CDH13: variants seen among roughly 807,000 people sequenced by gnomAD.
CDH13 encodes cadherin-13.
A neutral mutation model predicts 63.8 loss-of-function variants in CDH13; 24 were observed. That is an observed-to-expected ratio of 0.38 (90% CI 0.27 to 0.53). The LOEUF is 0.53. Ranked by LOEUF, CDH13 falls within the 20% of genes least tolerant of loss-of-function variation. CDH13 has a pLI of 0.85. For synonymous variants in CDH13, 503 were observed against 355.3 expected (o/e 1.42, Z -4.67); for missense variants, 1,049 against 903.1 (o/e 1.16, Z -2.07).
intron 6 of CDH13, among the ~76,000 whole-genome samples, chr16:83,377,654 G>T (rs986409261): frequency 6.6e-6 from 1 of 152,204 alleles, no homozygotes; most frequent in African/African-American, 2.4e-5. Context: ...GAGACACTTT[G>T]CAAGGCTCCA....
At chr16:83,006,106 G>A (rs1597394016) in intron 2 of CDH13, among the ~76,000 whole-genome samples, 1 of 152,124 alleles carries the variant, frequency 6.6e-6, no homozygotes, top group East Asian at 1.9e-4. Context: ...CACAATACTG[G>A]CGTCAGCTCT....
At chr16:83,453,013 G>A (rs2072924835) in intron 6 of CDH13, among the ~76,000 whole-genome samples, 1 of 152,138 alleles carries the variant, frequency 6.6e-6, no homozygotes, top group African/African-American at 2.4e-5. Flanking sequence ...TAATTTTTGA[G>A]CCTATATGAT....
chr16:82,757,614 A>ATTATGTCAACATTTAATTGC (rs1555511727), intron 1 of CDH13, among the ~76,000 whole-genome samples: 21 of 151,300 alleles, frequency 1.4e-4, no homozygotes, highest in Middle Eastern at 3.5e-3. Flanking sequence ...TTGCAAATGC[A>ATTATGTCAACATTTAATTGC]AGCTTTGGTA....
intron 2 of CDH13, among the ~76,000 whole-genome samples, chr16:82,963,182 C>A (rs1389964266): frequency 6.7e-6 from 1 of 149,172 alleles, no homozygotes; most frequent in African/African-American, 2.5e-5. Context: ...ACCAGCCTGG[C>A]CAACATGGTG....
chr16:82,811,187 T>A (rs2037426049), intron 1 of CDH13, among the ~76,000 whole-genome samples: 2 of 152,198 alleles, frequency 1.3e-5, no homozygotes, highest in African/African-American at 4.8e-5. Context: ...ATTACGCGAA[T>A]TTCTTTCCAA....
At chr16:82,645,150 C>G (rs184545424) in intron 1 of CDH13, among the ~76,000 whole-genome samples, 2 of 152,152 alleles carry the variant, frequency 1.3e-5, no homozygotes, top group Admixed American at 6.5e-5. Context: ...GATGCCATAT[C>G]TCAGAGTACG....
chr16:83,239,964 T>A (rs1159531869), intron 5 of CDH13, among the ~76,000 whole-genome samples: 1 of 152,070 alleles, frequency 6.6e-6, no homozygotes, highest in Non-Finnish European at 1.5e-5. Context: ...AGAGATCTGA[T>A]GAAAGAGAAG....
At chr16:83,276,609 G>C (rs1046109364) in intron 5 of CDH13, among the ~76,000 whole-genome samples, 5 of 152,140 alleles carry the variant, frequency 3.3e-5, no homozygotes, top group Non-Finnish European at 7.4e-5. Context: ...GGTGGCTCGC[G>C]CCTGTAATCC....
At chr16:82,737,131 C>A (rs530886100) in intron 1 of CDH13, among the ~76,000 whole-genome samples, 3 of 152,226 alleles carry the variant, frequency 2.0e-5, no homozygotes, top group Admixed American at 1.3e-4. Context: ...GCCTTGAACC[C>A]TCTAGAACAA....
intron 4 of CDH13, among the ~76,000 whole-genome samples, chr16:83,182,293 C>G (rs111444195): frequency 0.012 from 1,871 of 152,306 alleles, 28 homozygotes; most frequent in African/African-American, 0.042. Context: ...TCTGATGGCT[C>G]TGGTCTCCAG....
chr16:82,768,543 C>T (rs1221890169), intron 1 of CDH13, among the ~76,000 whole-genome samples: 1 of 152,192 alleles, frequency 6.6e-6, no homozygotes, highest in Non-Finnish European at 1.5e-5. Context: ...GTATAAGGTG[C>T]TTTTTATATC....
chr16:83,272,236 C>G (rs544108378), intron 5 of CDH13, among the ~76,000 whole-genome samples: 1 of 152,262 alleles, frequency 6.6e-6, no homozygotes, highest in Admixed American at 6.5e-5. Flanking sequence ...AAAAATTGTG[C>G]AAGTGCATGA....
chr16:83,158,466 C>G (rs2037309198), intron 4 of CDH13, among the ~76,000 whole-genome samples: 1 of 152,238 alleles, frequency 6.6e-6, no homozygotes, highest in Non-Finnish European at 1.5e-5. Flanking sequence ...AGCCCAGGCT[C>G]ACGTGTACTT....
At chr16:82,901,356 G>T (rs2041463280) in intron 2 of CDH13, among the ~76,000 whole-genome samples, 1 of 150,124 alleles carries the variant, frequency 6.7e-6, no homozygotes, top group Non-Finnish European at 1.5e-5. Context: ...GTGTGTGTGT[G>T]TGTGTGTGTG....
At chr16:83,281,608 T>C (rs2089177577) in intron 5 of CDH13, among the ~76,000 whole-genome samples, 1 of 152,160 alleles carries the variant, frequency 6.6e-6, no homozygotes, top group African/African-American at 2.4e-5. Context: ...CATGTCTTCG[T>C]CATTAAGCTT....
intron 2 of CDH13, among the ~76,000 whole-genome samples, chr16:82,943,935 G>A (rs1904408370): frequency 6.6e-6 from 1 of 152,202 alleles, no homozygotes; most frequent in African/African-American, 2.4e-5. Flanking sequence ...AACCTGTTGA[G>A]AAAGAGGGCC....
intron 6 of CDH13, among the ~76,000 whole-genome samples, chr16:83,476,803 G>A (rs1275196186): frequency 6.6e-6 from 1 of 152,138 alleles, no homozygotes. Context: ...AATATAAAGA[G>A]TATTTTTATT....
intron 6 of CDH13, among the ~76,000 whole-genome samples, chr16:83,457,873 A>G (rs2073066327): frequency 6.6e-6 from 1 of 152,092 alleles, no homozygotes; most frequent in Non-Finnish European, 1.5e-5. Flanking sequence ...TGGCACCCTA[A>G]ATTTGCATTT....
intron 3 of CDH13, among the ~76,000 whole-genome samples, chr16:83,076,395 G>T (rs2032836842): frequency 6.6e-6 from 1 of 152,196 alleles, no homozygotes; most frequent in Non-Finnish European, 1.5e-5. Context: ...GGGATGCTTA[G>T]ACTGGCAGGA....
Sources: gnomAD v4.1 joint callset for allele counts (sites outside exome capture counted in the v4.1 genomes callset) on GRCh38, gnomAD v4.1.1 for gene constraint, MANE v1.5 for transcripts, NCBI Gene and HGNC (gene_info 2026-07-23, HGNC 2026-07-21) for gene names.